KIAA2012: variants seen among roughly 807,000 people sequenced by gnomAD.
KIAA2012 encodes the protein uncharacterized protein KIAA2012.
KIAA2012 carries 125 observed loss-of-function variants against 150.6 expected under a neutral mutation model. That is an observed-to-expected ratio of 0.83 (90% CI 0.72 to 0.96). The LOEUF (loss-of-function observed/expected upper bound fraction) is 0.96. KIAA2012 is among the 40% of genes least tolerant of loss of function. The pLI is 0.00. For missense variants in KIAA2012, 1,219 were observed against 1,354.9 expected, an observed-to-expected ratio of 0.90 and a Z score of 1.57; for synonymous variants, 462 against 504.7, an observed-to-expected ratio of 0.92 and a Z score of 1.13.
chr2:202,151,831 A>T (rs1691434260), intron 13 of KIAA2012, among the ~76,000 whole-genome samples: 1 of 152,144 alleles, frequency 6.6e-6, no homozygotes, highest in Non-Finnish European at 1.5e-5. Context: ...GCATGATCAT[A>T]GCTCACTGCA....
At position 202,176,859 on chromosome 2, in the gene KIAA2012, T is replaced by C. The variant is rs117749286; in HGVS notation, c.2120-7894T>C. Among the ~76,000 whole-genome samples, 283 of 152,342 alleles carry C rather than the reference T, an allele frequency of 1.9e-3. 6 individuals carry two copies. In the East Asian group the frequency reaches 0.048, roughly 26 times the overall value. Reference sequence around the variant, plus strand: ...TCTATAAACACTATTAATGAGGATATAAAGTTTTAGTAATTTAGAGCAATT... The same window carrying C: ...TCTATAAACACTATTAATGAGGATACAAAGTTTTAGTAATTTAGAGCAATT... On this transcript the variant is annotated intron_variant, in intron 15 of 23. Transcript: ENST00000498697.
At chr2:202,092,008 C>A (rs12991948) in intron 3 of KIAA2012, among the ~76,000 whole-genome samples, 56,964 of 151,960 alleles carry the variant, frequency 0.37, 11,209 homozygotes, top group African/African-American at 0.42. Flanking sequence ...AGAAAGAGCC[C>A]CTTAACCAAA....
intron 23 of KIAA2012, among the ~76,000 whole-genome samples, chr2:202,204,076 G>GTT (rs143485165): frequency 7.2e-6 from 1 of 139,432 alleles, no homozygotes. Flanking sequence ...GCGGTTTTTT[G>GTT]TTTTTTTTTT....
chr2:202,091,736 G>A (rs565682513), intron 3 of KIAA2012, among the ~76,000 whole-genome samples: 1 of 152,318 alleles, frequency 6.6e-6, no homozygotes, highest in Admixed American at 6.5e-5. Flanking sequence ...GCCTATTTGG[G>A]ATGAGAAGAG....
chr2:202,195,923 C>G (rs975667052), intron 21 of KIAA2012, among the ~76,000 whole-genome samples: 2 of 152,168 alleles, frequency 1.3e-5, no homozygotes, highest in African/African-American at 2.4e-5. Context: ...TTTATCCACT[C>G]ATCTATTGAT....
At chr2:202,108,343 A>G (rs912241877) in intron 9 of KIAA2012, among the ~76,000 whole-genome samples, 5 of 152,184 alleles carry the variant, frequency 3.3e-5, no homozygotes, top group Admixed American at 2.0e-4. Context: ...TACAATTACC[A>G]CACTCAAGAA....
chr2:202,073,397 G>A lies in KIAA2012; in HGVS notation c.-231G>A, dbSNP rs1689248594. 1 of 466,156 alleles carries A rather than the reference G, an allele frequency of 2.1e-6. No homozygotes were observed. The highest frequency in any genetic ancestry group is 3.7e-5 in the South Asian group (1 of 26,710). 28.9% of individuals were successfully genotyped at this position (466,156 alleles called of 1,614,324 possible). ...AGTAGACAATCCAGGGCTTGAGGAG[G>A]CTGGCTGTGCGGTTTATTTTTTCTC... On this transcript the variant is annotated 5_prime_UTR_variant, in exon 1 of 24. Transcript: ENST00000498697.
chr2:202,073,809 T>C (rs1689260551), intron 1 of KIAA2012, 98 bp downstream of exon 1: 4 of 1,054,868 alleles, frequency 3.8e-6, no homozygotes, highest in Non-Finnish European at 5.6e-6. Flanking sequence ...TTGGTTTGTG[T>C]TGTTAGTGAG....
chr2:202,202,685 TGAGAGGCTG>T (rs1349481568), intron 23 of KIAA2012, 98 bp downstream of exon 23: 1 of 393,508 alleles, frequency 2.5e-6, no homozygotes, highest in Non-Finnish European at 4.5e-6. Context: ...CCCAACACTT[TGAGAGGCTG>T]AGGCGGGAGG....
rs1040255362 is a variant in KIAA2012 at position 202,104,030 on chromosome 2, G to A, written c.1324+916G>A. Among the ~76,000 whole-genome samples, 2 of 152,184 alleles carry A rather than the reference G, an allele frequency of 1.3e-5. No individual in the cohort carries two copies. Among genetic ancestry groups the A allele is most frequent in the Admixed American group, 6.5e-5 (1 of 15,280 alleles). On this transcript the variant is annotated intron_variant, in intron 8 of 23. Coordinates refer to ENST00000498697, the MANE Select transcript of KIAA2012 (RefSeq NM_001277372.4). The surrounding 1 kb of genome is among the most constrained non-coding windows in gnomAD (Gnocchi z 4.3). Reference sequence around the variant, plus strand: ...GCTTCTTGGAGAGTTTGACTCCTGGGAATCACACAGGCAGCCATTTTGTTC... The same window carrying A: ...GCTTCTTGGAGAGTTTGACTCCTGGAAATCACACAGGCAGCCATTTTGTTC...
rs1689493861 is a variant in KIAA2012 at position 202,083,391 on chromosome 2, C to G, written c.370-7379C>G. On this transcript the variant is annotated intron_variant, in intron 2 of 23. Coordinates refer to ENST00000498697, the MANE Select transcript of KIAA2012 (RefSeq NM_001277372.4). Reference sequence around the variant, plus strand: ...TCTCCCTCCCACCCTGCCCCGACCTCTACTCCAGTTGCACTCACCTGGCAG... The same window carrying G: ...TCTCCCTCCCACCCTGCCCCGACCTGTACTCCAGTTGCACTCACCTGGCAG... 2.0e-5 allele frequency among the ~76,000 whole-genome samples: 3 copies of G among 149,004 alleles called. No individual in the cohort carries two copies. The South Asian group carries it at 6.7e-4, about 33-fold the overall frequency.
At chr2:202,149,227 G>A (rs938343852) in intron 13 of KIAA2012, among the ~76,000 whole-genome samples, 1 of 152,174 alleles carries the variant, frequency 6.6e-6, no homozygotes. Flanking sequence ...TCAAAGGACA[G>A]ACTATCAGCC....
chr2:202,073,509 C>T lies in KIAA2012; in HGVS notation c.-119C>T. The T allele has an allele frequency of 1.3e-6, 1 of 744,182 alleles. No individual in the cohort carries two copies. Among genetic ancestry groups the T allele is most frequent in the East Asian group, 2.7e-5 (1 of 36,922 alleles). The allele number at this position is 744,182 out of a possible 1,614,324, so 46.1% of individuals were successfully genotyped here. On this transcript the variant is annotated 5_prime_UTR_variant, in exon 1 of 24. Coordinates refer to ENST00000498697, the MANE Select transcript of KIAA2012 (RefSeq NM_001277372.4). ...AGGGAAAAATGTATTTAATAAAAGG[C>T]CCTGTGTTTGTGGTCTTCTTGGGCT...
At chr2:202,147,586 C>T (rs893591986) in intron 13 of KIAA2012, among the ~76,000 whole-genome samples, 3 of 152,224 alleles carry the variant, frequency 2.0e-5, no homozygotes, top group Non-Finnish European at 4.4e-5. Context: ...ACTACTTCAA[C>T]TCCATAGTCC....
At chr2:202,108,201 AT>A (rs1479437831) in intron 9 of KIAA2012, among the ~76,000 whole-genome samples, 73 of 152,272 alleles carry the variant, frequency 4.8e-4, no homozygotes, top group African/African-American at 1.7e-3. Flanking sequence ...GCCAGCTTTT[AT>A]GTATGCATCC....
chr2:202,182,233 TCC>T (rs1692136005), intron 15 of KIAA2012, among the ~76,000 whole-genome samples: 2 of 147,878 alleles, frequency 1.4e-5, no homozygotes, highest in Non-Finnish European at 3.0e-5. Context: ...TGCCTCAGCC[TCC>T]CGAGTAGCTG....
At chr2:202,202,978 T>C (rs763365716) in intron 23 of KIAA2012, among the ~76,000 whole-genome samples, 3 of 151,724 alleles carry the variant, frequency 2.0e-5, no homozygotes, top group South Asian at 4.2e-4. Context: ...GTTAGTTCCA[T>C]TTCATCTGCT....
At chr2:202,116,527 A>C (rs1690531794) in intron 11 of KIAA2012, 1 of 126,934 alleles carries the variant, frequency 7.9e-6, no homozygotes, top group Non-Finnish European at 1.5e-5. Context: ...GCTGGTCTCA[A>C]ACTCCTGGCC....
intron 2 of KIAA2012, among the ~76,000 whole-genome samples, chr2:202,078,178 C>T (rs185124436): frequency 3.6e-4 from 55 of 152,354 alleles, no homozygotes; most frequent in African/African-American, 1.3e-3. Context: ...ACAGTAAATG[C>T]CCAGCAATGG....
Sources: gnomAD v4.1 joint callset for allele counts (sites outside exome capture counted in the v4.1 genomes callset) on GRCh38, gnomAD v4.1.1 for gene constraint, Gnocchi (gnomAD v3.1) non-coding constraint, MANE v1.5 for transcripts, NCBI Gene and HGNC (gene_info 2026-07-23, HGNC 2026-07-21) for gene names.